STXBP4: variants seen among roughly 807,000 people sequenced by gnomAD.
STXBP4 encodes the protein syntaxin-binding protein 4.
STXBP4 carries 55 observed loss-of-function variants against 76.1 expected under a neutral mutation model. The ratio of observed to expected loss-of-function variants is 0.72; its 90% confidence interval spans 0.58 to 0.91. The LOEUF (loss-of-function observed/expected upper bound fraction) is 0.91, where lower values mean the gene tolerates loss of function less well. STXBP4 is among the 40% of genes least tolerant of loss of function. The pLI is 0.00. For missense variants in STXBP4, 618 were observed against 636.9 expected, an observed-to-expected ratio of 0.97 and a Z score of 0.32; for synonymous variants, 201 against 220.2, an observed-to-expected ratio of 0.91 and a Z score of 0.77.
In STXBP4 at chr17:55,032,246, G is replaced by GA. The variant is rs149577794; in HGVS notation, c.763+990dup. ...TTATTTATAAAGCATCTGTATTGCT[G>GA]AAAAAAAATTGACCTTTTGGTTTTT... On this transcript the variant is annotated intron_variant, in intron 9 of 17. Coordinates refer to ENST00000376352, the MANE Select transcript of STXBP4 (RefSeq NM_178509.6). Among the ~76,000 whole-genome samples, 5 of 151,250 alleles carry GA rather than the reference G, an allele frequency of 3.3e-5. No individual in the cohort carries two copies. The East Asian group carries it at 5.8e-4, about 18-fold the overall frequency.
the STXBP4 span, among the ~76,000 whole-genome samples, chr17:55,206,589 G>C: frequency 6.6e-6 from 1 of 152,058 alleles, no homozygotes; most frequent in Non-Finnish European, 1.5e-5. Context: ...GAGTACGGTG[G>C]CTCATGCCTG....
intron 12 of STXBP4, among the ~76,000 whole-genome samples, chr17:55,060,904 G>A (rs572417262): frequency 1.1e-3 from 160 of 152,276 alleles, no homozygotes; most frequent in African/African-American, 3.7e-3. Context: ...ATGACCTAAG[G>A]CAGCAATGAA....
the STXBP4 span, among the ~76,000 whole-genome samples, chr17:55,204,230 G>A: frequency 4.6e-5 from 7 of 151,670 alleles, no homozygotes; most frequent in Non-Finnish European, 1.0e-4. Flanking sequence ...AAACTATTTA[G>A]TTCTTAATTT....
chr17:55,176,631 C>T (rs2080431972), downstream of STXBP4, among the ~76,000 whole-genome samples: 1 of 152,156 alleles, frequency 6.6e-6, no homozygotes, highest in Non-Finnish European at 1.5e-5. Context: ...TTTTATGTGT[C>T]AGTTTTACTG....
chr17:55,208,852 C>T, the STXBP4 span, among the ~76,000 whole-genome samples: 1 of 151,592 alleles, frequency 6.6e-6, no homozygotes, highest in Non-Finnish European at 1.5e-5. Flanking sequence ...GATGCCAAGG[C>T]GAGTGAGTCA....
At chr17:55,177,119 A>T (rs1343400528), downstream of STXBP4, among the ~76,000 whole-genome samples, 1 of 152,048 alleles carries the variant, frequency 6.6e-6, no homozygotes, top group Non-Finnish European at 1.5e-5. Context: ...TCCCATAATA[A>T]ATTCCCTCTT....
At chr17:55,118,989 T>G (rs244347) in intron 16 of STXBP4, among the ~76,000 whole-genome samples, 93,717 of 149,848 alleles carry the variant, frequency 0.63, 29,992 homozygotes, top group African/African-American at 0.75. Flanking sequence ...AAGTTCTAGG[T>G]TACATGTGCA....
chr17:55,118,888 ATTAG>A (rs2079812358), intron 16 of STXBP4, among the ~76,000 whole-genome samples: 3 of 150,934 alleles, frequency 2.0e-5, no homozygotes, highest in Non-Finnish European at 4.4e-5. Flanking sequence ...CTCCATCACC[ATTAG>A]TATTTTTTAG....
intron 4 of STXBP4, among the ~76,000 whole-genome samples, chr17:54,997,456 T>C (rs923883320): frequency 6.6e-6 from 1 of 150,846 alleles, no homozygotes; most frequent in African/African-American, 2.4e-5. Flanking sequence ...ACACTGCATG[T>C]TATGTTGTCT....
At chr17:55,037,979 A>C (rs1189154201) in intron 10 of STXBP4, among the ~76,000 whole-genome samples, 1 of 152,100 alleles carries the variant, frequency 6.6e-6, no homozygotes, top group African/African-American at 2.4e-5. Context: ...CCCCATCTGA[A>C]GTATGCCAAT....
At position 55,141,322 on chromosome 17, in the gene STXBP4, G is replaced by C. The variant is rs2080092279; in HGVS notation, c.1502G>C (p.Gly501Ala). ...CCTTTCACTGTAGGTTTACCTTATG[G>C]GTGGGAGGAAGCTTACACAGCAGAT... ...ALLDMDCLPYGWEEAYTADGI... is the reference protein window; with the variant it reads ...ALLDMDCLPYAWEEAYTADGI... Residue 501 changes from glycine (G) to alanine (A), a missense_variant, in exon 17 of 18, where the codon GGG becomes GCG. By Grantham distance (60) the Gly-to-Ala change is moderately conservative. Coordinates refer to ENST00000376352, the MANE Select transcript of STXBP4 (RefSeq NM_178509.6). The C allele has an allele frequency of 6.2e-7, 1 of 1,611,592 alleles. No homozygotes were observed. Among genetic ancestry groups the C allele is most frequent in the Non-Finnish European group, 8.5e-7 (1 of 1,178,744 alleles).
Position 55,078,153 on chromosome 17 carries a change from A to G in STXBP4, c.1264A>G (p.Thr422Ala), listed in dbSNP as rs1255564147. 6.2e-7 allele frequency: 1 copy of G among 1,612,182 alleles called. No homozygotes were observed. ...ACGAAAATCAGAAATGGCTCGAAAA[A>G]CTTTTGAGGCATCCACTGAAAAGCT... is the stretch of plus-strand genomic sequence containing the variant. ...QLRKSEMARK[T>A]FEASTEKLLH... Residue 422 changes from threonine (T) to alanine (A), a missense_variant, in exon 14 of 18, where the codon ACT becomes GCT. Physicochemically the swap from Thr to Ala is moderately conservative, Grantham distance 58. Transcript: ENST00000376352.
chr17:55,177,763 C>T (rs916281541), downstream of STXBP4, among the ~76,000 whole-genome samples: 10 of 152,162 alleles, frequency 6.6e-5, no homozygotes, highest in Non-Finnish European at 8.8e-5. Flanking sequence ...TAAATCAATG[C>T]CATATGCCTG....
intron 8 of STXBP4, among the ~76,000 whole-genome samples, chr17:55,008,238 T>C (rs546780784): frequency 6.8e-4 from 104 of 152,082 alleles, no homozygotes; most frequent in African/African-American, 2.4e-3. Flanking sequence ...AAAATGGATA[T>C]ACTGCTGAAA....
chr17:54,992,436 T>C (rs2144417980), intron 4 of STXBP4, among the ~76,000 whole-genome samples: 1 of 151,714 alleles, frequency 6.6e-6, no homozygotes, highest in African/African-American at 2.4e-5. Context: ...AAAAGTATTA[T>C]TTAATAAGTT....
chr17:55,129,167 A>G (rs2145116820), intron 16 of STXBP4, among the ~76,000 whole-genome samples: 1 of 151,746 alleles, frequency 6.6e-6, no homozygotes, highest in Admixed American at 6.6e-5. Context: ...TCACCTTGTG[A>G]TCCGCCCGCC....
intron 12 of STXBP4, among the ~76,000 whole-genome samples, chr17:55,049,668 T>A (rs538501844): frequency 6.6e-6 from 1 of 151,808 alleles, no homozygotes; most frequent in South Asian, 2.1e-4. Context: ...AATGAGTAAA[T>A]ATACACAATA....
intron 6 of STXBP4, 111 bp downstream of exon 6, chr17:54,999,953 T>G (rs2077881198): frequency 7.1e-6 from 6 of 839,436 alleles, no homozygotes; most frequent in Non-Finnish European, 9.0e-6. Context: ...GTTAACAAAT[T>G]AATATTTCTT....
chr17:55,184,899 G>A, the STXBP4 span, among the ~76,000 whole-genome samples: 5 of 152,130 alleles, frequency 3.3e-5, no homozygotes, highest in East Asian at 9.6e-4. Flanking sequence ...TTGAGATGGG[G>A]TCTCGCTCTG....
Sources: gnomAD v4.1 joint callset for allele counts (sites outside exome capture counted in the v4.1 genomes callset) on GRCh38, gnomAD v4.1.1 for gene constraint, MANE v1.5 for transcripts, NCBI Gene and HGNC (gene_info 2026-07-23, HGNC 2026-07-21) for gene names.